Variants in ENTPD1 observed in about 807,000 individuals in gnomAD.
ENTPD1 encodes the protein ectonucleoside triphosphate diphosphohydrolase 1, also known as ATP diphosphohydrolase.
ENTPD1 carries 33 observed loss-of-function variants against 57.0 expected under a neutral mutation model. That is an observed-to-expected ratio of 0.58 (90% CI 0.44 to 0.77). ENTPD1 has a LOEUF of 0.77. Ranked by LOEUF, ENTPD1 falls within the 30% of genes least tolerant of loss-of-function variation. ENTPD1 has a pLI of 0.00. For synonymous variants in ENTPD1, 202 were observed against 218.8 expected, an observed-to-expected ratio of 0.92 and a Z score of 0.68; for missense variants, 501 against 603.4, an observed-to-expected ratio of 0.83 and a Z score of 1.78.
chr10:95,746,793 G>T (rs1456004814), intron 1 of ENTPD1, among the ~76,000 whole-genome samples: 1 of 152,192 alleles, frequency 6.6e-6, no homozygotes, highest in African/African-American at 2.4e-5. Flanking sequence ...AAGAGAGGTT[G>T]TTATTGATAG....
chr10:95,756,644 G>A (rs62625035), intron 1 of ENTPD1: 7,886 of 197,436 alleles, frequency 0.04, 199 homozygotes, highest in Non-Finnish European at 0.053. Context: ...AAGATGCTGG[G>A]CTCTGCGTGT....
intron 1 of ENTPD1, among the ~76,000 whole-genome samples, chr10:95,762,209 CAAAAAAAA>C (rs59588135): frequency 2.5e-5 from 2 of 78,504 alleles, no homozygotes; most frequent in African/African-American, 8.0e-5. Flanking sequence ...TAAAAAGAAG[CAAAAAAAA>C]AAAAAAAAAA....
intron 1 of ENTPD1, among the ~76,000 whole-genome samples, chr10:95,716,752 CTAAA>C (rs2097972015): frequency 6.6e-6 from 1 of 152,188 alleles, no homozygotes; most frequent in Admixed American, 6.5e-5. Context: ...GAACCATGAG[CTAAA>C]TAAACTTCTT....
At chr10:95,760,814 CTTTTTTTTTTTTTTTTTTTT>C (rs71034350) in intron 1 of ENTPD1, among the ~76,000 whole-genome samples, 1 of 62,956 alleles carries the variant, frequency 1.6e-5, no homozygotes, top group African/African-American at 6.7e-5. Context: ...AGAGTTTATT[CTTTTTTTTTTTTTTTTTTTT>C]TTTTTTTTTT....
Position 95,791,739 on chromosome 10 carries a change from A to G in ENTPD1, c.17-31498A>G, listed in dbSNP as rs1935816. Among the ~76,000 whole-genome samples the G allele has an allele frequency of 0.67, 102,392 of 151,968 alleles. 34,999 individuals are homozygous for G. The highest frequency in any genetic ancestry group is 0.74 in the Admixed American group (11,248 of 15,256). On this transcript the variant is annotated intron_variant, in intron 1 of 9. Coordinates refer to ENST00000371205, the MANE Select transcript of ENTPD1 (RefSeq NM_001776.6). This position sits in a 1 kb window ranked among gnomAD's most constrained non-coding sequence, Gnocchi z 4.1. ...ACATTAGAATCACCCGGCTGGGGGT[A>G]GAGGTGTTAAAAGTGAACAGTGCCT...
Position 95,869,521 on chromosome 10 carries a change from A to T in ENTPD1, c.*3138A>T, listed in dbSNP as rs2098478192. The T allele has an allele frequency of 1.0e-6, 1 of 983,696 alleles. No homozygotes were observed. Among genetic ancestry groups the T allele is most frequent in the Non-Finnish European group, 1.2e-6 (1 of 828,584 alleles). 60.9% of individuals were successfully genotyped at this position (983,696 alleles called of 1,614,324 possible). On this transcript the variant is annotated 3_prime_UTR_variant, in exon 10 of 10. Coordinates refer to ENST00000371205, the MANE Select transcript of ENTPD1 (RefSeq NM_001776.6). ...TGCCTCGGGCTCCCAAAGTGCTGGG[A>T]TTACAGGAGTGAGCCACCATGCCTG...
chr10:95,756,397 G>C (rs1405702760), intron 1 of ENTPD1, 142 bp downstream of exon 1: 2 of 977,634 alleles, frequency 2.0e-6, no homozygotes, highest in African/African-American at 3.3e-5. Context: ...CCTTCTGAGA[G>C]GAGGCAGAGA....
intron 1 of ENTPD1, among the ~76,000 whole-genome samples, chr10:95,744,131 A>G (rs1713321535): frequency 6.6e-6 from 1 of 150,964 alleles, no homozygotes; most frequent in African/African-American, 2.4e-5. Flanking sequence ...CCATTACCAC[A>G]TGGATCATTC....
intron 1 of ENTPD1, among the ~76,000 whole-genome samples, chr10:95,738,659 C>T (rs549708997): frequency 1.6e-4 from 24 of 152,282 alleles, no homozygotes; most frequent in Admixed American, 1.4e-3. Flanking sequence ...GCTATGCATA[C>T]TCATGATGAT....
At chr10:95,705,083 G>A in the ENTPD1 span, among the ~76,000 whole-genome samples, 1 of 152,052 alleles carries the variant, frequency 6.6e-6, no homozygotes, top group African/African-American at 2.4e-5. Flanking sequence ...TAATAAGATA[G>A]AATTCCATAT....
rs1191382574 is a variant in ENTPD1, at chr10:95,847,580, C to A, written c.948C>A (p.Ile316=). 1 of 1,614,120 alleles carries A rather than the reference C, an allele frequency of 6.2e-7. No individual in the cohort carries two copies. ...EMTLPFQQFE[I]QGIGNYQQCH... ...CTCTTCCATTCCAGCAGTTTGAAAT[C>A]CAGGGTATTGGAAACTATCAACAAT... The change falls in exon 7 of 10, where the codon ATC becomes ATA. Residue 316 remains isoleucine (I), a synonymous_variant. Coordinates refer to ENST00000371205, the MANE Select transcript of ENTPD1 (RefSeq NM_001776.6).
rs34841311 is a variant in ENTPD1, at chr10:95,731,781, C to CTTTTTTTTTTTTTTTTTTTTT, written c.37+19789_37+19809dup. On this transcript the variant is annotated intron_variant, in intron 1 of 9. Coordinates refer to the ENTPD1 transcript ENST00000453258. ...GGTAAGAATTAGAGGAGTGGACATC[C>CTTTTTTTTTTTTTTTTTTTTT]TTTTTTTTTTTTTTTTTTTTTGACA... Among the ~76,000 whole-genome samples the CTTTTTTTTTTTTTTTTTTTTT allele has an allele frequency of 2.0e-3, 156 of 79,170 alleles. 32 individuals carry two copies. The highest frequency in any genetic ancestry group is 2.6e-3 in the African/African-American group (48 of 18,644). The allele number at this position is 79,170 out of a possible 152,430, so 51.9% of individuals were successfully genotyped here.
intron 1 of ENTPD1, among the ~76,000 whole-genome samples, chr10:95,737,909 T>C (rs117093808): frequency 0.037 from 5,676 of 152,262 alleles, 130 homozygotes; most frequent in Non-Finnish European, 0.049. Context: ...CCAAATTAGC[T>C]GGAAAAATGT....
chr10:95,831,232 G>C (rs2098395782), intron 2 of ENTPD1, among the ~76,000 whole-genome samples: 2 of 152,166 alleles, frequency 1.3e-5, no homozygotes, highest in Non-Finnish European at 2.9e-5. Flanking sequence ...TTCATACATG[G>C]AAAGACTTTC....
intron 1 of ENTPD1, among the ~76,000 whole-genome samples, chr10:95,805,896 C>T (rs1484669051): frequency 2.6e-5 from 4 of 152,186 alleles, no homozygotes; most frequent in Admixed American, 6.5e-5. Flanking sequence ...GTGGGTAACC[C>T]GAACTTTCTC....
intron 1 of ENTPD1, among the ~76,000 whole-genome samples, chr10:95,772,150 T>C (rs1285407328): frequency 6.6e-6 from 1 of 152,230 alleles, no homozygotes; most frequent in Non-Finnish European, 1.5e-5. Flanking sequence ...GTACTCTTTT[T>C]GTTGGTGGAG....
intron 2 of ENTPD1, among the ~76,000 whole-genome samples, chr10:95,830,918 G>A (rs2098394642): frequency 6.6e-6 from 1 of 152,182 alleles, no homozygotes; most frequent in South Asian, 2.1e-4. Context: ...AGGAAGTGAT[G>A]CCCAGATTTG....
intron 1 of ENTPD1, among the ~76,000 whole-genome samples, chr10:95,726,095 C>G (rs1347852795): frequency 3.3e-5 from 5 of 152,172 alleles, no homozygotes; most frequent in Non-Finnish European, 5.9e-5. Flanking sequence ...TGTTGTTACC[C>G]AAAGTTTTGG....
At chr10:95,803,723 C>T (rs921592682) in intron 1 of ENTPD1, among the ~76,000 whole-genome samples, 7 of 152,048 alleles carry the variant, frequency 4.6e-5, no homozygotes, top group African/African-American at 1.7e-4. Context: ...CCCATTTGTC[C>T]ATTTTGGCTT....
Sources: gnomAD v4.1 joint callset for allele counts (sites outside exome capture counted in the v4.1 genomes callset) on GRCh38, gnomAD v4.1.1 for gene constraint, Gnocchi (gnomAD v3.1) non-coding constraint, MANE v1.5 for transcripts, NCBI Gene and HGNC (gene_info 2026-07-23, HGNC 2026-07-21) for gene names.